MYO15B: variants seen among roughly 807,000 people sequenced by gnomAD.
MYO15B encodes the protein myosin XVB pseudogene.
MYO15B carries 207 observed loss-of-function variants against 119.3 expected under a neutral mutation model. The observed-to-expected ratio is 1.73, with a 90% CI of 1.55 to 1.95. The LOEUF is 1.95. Ranked by LOEUF, MYO15B falls within the 30% of genes most tolerant of loss-of-function variation. The probability of loss-of-function intolerance (pLI) is 0.00; values close to 1 mark genes in which losing one functional copy is unlikely to be tolerated. For synonymous variants in MYO15B, 966 were observed against 498.9 expected, an observed-to-expected ratio of 1.94 and a Z score of -12.48; for missense variants, 2,264 against 1,203.1, an observed-to-expected ratio of 1.88 and a Z score of -13.04.
intron 42 of MYO15B, 52 bp from the exon 43 acceptor site, chr17:75,618,074 T>C: frequency 2.9e-6 from 2 of 701,216 alleles, no homozygotes; most frequent in Non-Finnish European, 5.2e-6. Context: ...AGAGGCTTGC[T>C]GGGAAGAGGC....
chr17:75,619,951 G>T (rs369987742), exon 47 of MYO15B: 2 of 702,844 alleles, frequency 2.8e-6, no homozygotes, highest in Middle Eastern at 2.3e-4. Context: ...GCGAGCAGCT[G>T]GTGCTGCACA....
At chr17:75,597,662 C>A (rs960301398) in intron 14 of MYO15B, among the ~76,000 whole-genome samples, 22 of 152,218 alleles carry the variant, frequency 1.4e-4, no homozygotes, top group Non-Finnish European at 2.6e-4. Flanking sequence ...CAGTGGCTCA[C>A]GCCTGTAATC....
At chr17:75,606,792 A>G in intron 21 of MYO15B, 1 of 389,700 alleles carries the variant, frequency 2.6e-6, no homozygotes, top group Admixed American at 4.5e-5. Context: ...TTTTCAAAGC[A>G]TGAATCATGT....
rs2059070431 is a variant in MYO15B at position 75,626,397 on chromosome 17, C to A, written c.9214-10C>A. On this transcript the variant is annotated splice_polypyrimidine_tract_variant and intron_variant, in intron 63 of 63. Coordinates refer to ENST00000645453, the Ensembl canonical transcript of MYO15B. ...GGGAGCCCTCTTGTAACAGGCCTTT[C>A]TCTGGGCAGGCCCAGGAGCTGCTAT... The A allele has an allele frequency of 5.7e-6, 4 of 703,008 alleles. No homozygotes were observed. The highest frequency in any genetic ancestry group is 1.0e-5 in the Non-Finnish European group (4 of 385,026). The allele number at this position is 703,008 out of a possible 1,614,324, so 43.5% of individuals were successfully genotyped here.
chr17:75,624,881 G>A (rs1415826459), exon 59 of MYO15B: 9 of 702,892 alleles, frequency 1.3e-5, no homozygotes, highest in Non-Finnish European at 2.3e-5. Flanking sequence ...ACTGCACTTC[G>A]ATAACTCCAC....
rs546394862 is a variant in MYO15B, at chr17:75,589,469, A to G, written c.1412A>G (p.His471Arg). The change falls in exon 1 of 64, where the codon CAC (histidine) becomes CGC (arginine). Residue 471 changes from histidine (H) to arginine (R), a missense_variant. By Grantham distance (29) the His-to-Arg change is conservative. Coordinates refer to ENST00000645453, the Ensembl canonical transcript of MYO15B. This position sits in a 1 kb window ranked among gnomAD's most constrained non-coding sequence, Gnocchi z 4.2. ...GGGAAAGCGGACGAGGGGCGGGGTC[A>G]CGAGAGAGGTGACGAGGGCCGGGAC... 0.087 allele frequency: 34,354 copies of G among 396,600 alleles called. 1,680 individuals carry two copies. Among genetic ancestry groups the G allele is most frequent in the Middle Eastern group, 0.15 (240 of 1,588 alleles). 24.6% of individuals were successfully genotyped at this position (396,600 alleles called of 1,614,324 possible).
At chr17:75,624,845 A>G (rs996031226) in exon 59 of MYO15B, 3 of 703,006 alleles carry the variant, frequency 4.3e-6, no homozygotes, top group Non-Finnish European at 7.8e-6. Flanking sequence ...GAGCCTGCAC[A>G]GCCGGCGGCT....
intron 22 of MYO15B, 76 bp from the exon 23 acceptor site, chr17:75,610,824 G>A: frequency 1.4e-6 from 1 of 701,156 alleles, no homozygotes; most frequent in Non-Finnish European, 2.6e-6. Context: ...GGGGACAGCT[G>A]AACTTCAGAG....
At chr17:75,607,236 C>A (rs1379671311) in intron 21 of MYO15B, 2 of 345,274 alleles carry the variant, frequency 5.8e-6, no homozygotes, top group Non-Finnish European at 1.0e-5. Context: ...GCCCCCAAGA[C>A]CCCCAGCCCC....
exon 33 of MYO15B, chr17:75,614,991 C>T (rs998793637): frequency 6.8e-5 from 48 of 702,968 alleles, no homozygotes; most frequent in African/African-American, 3.8e-4. Context: ...TCTGAGCAGC[C>T]GCATGAAGGG....
At chr17:75,593,621 A>C (rs557556766) in intron 9 of MYO15B, among the ~76,000 whole-genome samples, 9 of 151,272 alleles carry the variant, frequency 5.9e-5, no homozygotes, top group East Asian at 3.9e-4. Flanking sequence ...CTCAGAAAAA[A>C]AAAAAAAAAC....
At chr17:75,624,152 A>T in intron 55 of MYO15B, 23 bp from the exon 56 acceptor site, 1 of 702,736 alleles carries the variant, frequency 1.4e-6, no homozygotes, top group Non-Finnish European at 2.6e-6. Flanking sequence ...CCATCTCATA[A>T]CCCCAGGCTG....
chr17:75,602,233 G>A, intron 15 of MYO15B: 4 of 535,112 alleles, frequency 7.5e-6, no homozygotes, highest in South Asian at 6.2e-5. Context: ...GATTTAATAT[G>A]GAGAGACAGA....
chr17:75,597,723 G>A (rs921730152), intron 14 of MYO15B, among the ~76,000 whole-genome samples: 7 of 152,152 alleles, frequency 4.6e-5, no homozygotes, highest in Middle Eastern at 6.8e-3. Flanking sequence ...CCAGGAGCTC[G>A]AGACCAACAT....
At chr17:75,605,157 G>T (rs906416773) in intron 19 of MYO15B, among the ~76,000 whole-genome samples, 1 of 148,836 alleles carries the variant, frequency 6.7e-6, no homozygotes, top group African/African-American at 2.5e-5. Context: ...AACCAAAAAG[G>T]CCGGGCGCAG....
rs1164689407 is a variant in MYO15B at position 75,589,860 on chromosome 17, C to T, written c.1803C>T (p.Arg601=). The change falls in exon 1 of 64, where the codon CGC becomes CGT. Residue 601 remains arginine, a synonymous_variant. Transcript: ENST00000645453. This position sits in a 1 kb window ranked among gnomAD's most constrained non-coding sequence, Gnocchi z 4.2. The stretch of plus-strand genomic sequence containing the variant: ...GGGAAGGGGTGTCCGGGCTTCGTCG[C>T]GGCTCCCTCCTTGCCCCGACTGCAC... The T allele has an allele frequency of 1.3e-5, 5 of 398,410 alleles. No individual in the cohort carries two copies. The highest frequency in any genetic ancestry group is 6.2e-4 in the Middle Eastern group (1 of 1,610). The allele number at this position is 398,410 out of a possible 1,614,324, so 24.7% of individuals were successfully genotyped here. A position where few individuals can be genotyped will look rare whatever the true frequency, so the allele number is the denominator to read the frequency against.
At chr17:75,625,038 C>G in intron 59 of MYO15B, 85 bp from the exon 60 acceptor site, 1 of 656,998 alleles carries the variant, frequency 1.5e-6, no homozygotes, top group South Asian at 1.7e-5. Context: ...GTGACAGTGG[C>G]AAAAGGAGGC....
At chr17:75,594,254 A>T (rs2056698606) in intron 9 of MYO15B, among the ~76,000 whole-genome samples, 1 of 152,200 alleles carries the variant, frequency 6.6e-6, no homozygotes, top group Non-Finnish European at 1.5e-5. Context: ...GCAGGAAGGA[A>T]GGAGCCTGGC....
intron 19 of MYO15B, among the ~76,000 whole-genome samples, chr17:75,604,605 C>A (rs8082124): frequency 0.013 from 1,921 of 143,106 alleles, 33 homozygotes; most frequent in African/African-American, 0.047. Flanking sequence ...GGCGAGGAGA[C>A]GAAGGCCTTG....
Sources: allele counts gnomAD v4.1 joint callset (sites outside exome capture counted in the v4.1 genomes callset), GRCh38; gene constraint gnomAD v4.1.1; non-coding constraint Gnocchi (gnomAD v3.1); transcripts MANE v1.5; gene names NCBI Gene and HGNC (gene_info 2026-07-23, HGNC 2026-07-21).